The following DOCK2 variants were observed in gnomAD, a reference collection of about 807,000 sequenced individuals.
DOCK2 encodes dedicator of cytokinesis protein 2.
DOCK2 carries 87 observed loss-of-function variants against 248.9 expected under a neutral mutation model. That is an observed-to-expected ratio of 0.35 (90% confidence interval 0.29 to 0.42). DOCK2 has a LOEUF of 0.42. DOCK2 is among the 10% of genes least tolerant of loss of function. The probability of loss-of-function intolerance (pLI) is 1.00; values close to 1 mark genes in which losing one functional copy is unlikely to be tolerated. For missense variants in DOCK2, 1,747 were observed against 2,300.2 expected, an observed-to-expected ratio of 0.76 and a Z score of 4.92; for synonymous variants, 805 against 821.6, an observed-to-expected ratio of 0.98 and a Z score of 0.35.
At chr5:169,829,644 A>G (rs1194615725) in intron 26 of DOCK2, among the ~76,000 whole-genome samples, 2 of 152,376 alleles carry the variant, frequency 1.3e-5, no homozygotes, top group East Asian at 1.9e-4. Flanking sequence ...GTTAATTGAC[A>G]TTAAAGTATT....
chr5:169,785,563 A>G (rs1343845419), intron 25 of DOCK2, among the ~76,000 whole-genome samples: 1 of 152,324 alleles, frequency 6.6e-6, no homozygotes, highest in African/African-American at 2.4e-5. Context: ...GAATACCTGG[A>G]AAGAAAGATG....
intron 25 of DOCK2, among the ~76,000 whole-genome samples, chr5:169,781,607 C>T (rs981392502): frequency 5.3e-5 from 8 of 152,194 alleles, no homozygotes; most frequent in Non-Finnish European, 8.8e-5. Flanking sequence ...GTCAGCCTGA[C>T]ATGAAAGACA....
chr5:169,926,369 T>G (rs574389490), intron 27 of DOCK2, among the ~76,000 whole-genome samples: 163 of 152,318 alleles, frequency 1.1e-3, no homozygotes, highest in South Asian at 2.9e-3. Flanking sequence ...CTTCTTATCC[T>G]CTACCTTTTT....
intron 29 of DOCK2, among the ~76,000 whole-genome samples, chr5:169,990,028 G>A (rs73327875): frequency 0.031 from 4,670 of 151,566 alleles, 243 homozygotes; most frequent in African/African-American, 0.097. Context: ...GTGATTATTC[G>A]TTTTTGGGGT....
rs149727149 is a variant in DOCK2, at chr5:169,733,805, G to T, written c.2268-13591G>T. Among the ~76,000 whole-genome samples the T allele has an allele frequency of 2.8e-4, 42 of 152,084 alleles. No homozygotes were observed. In the East Asian group the frequency reaches 7.9e-3, roughly 29 times the overall value. On this transcript the variant is annotated intron_variant, in intron 22 of 51. Transcript: ENST00000520908. ...ATAGGCATTCTGGTTTTATCTCTCT[G>T]GTGGCTTGTAAGATCATCTCTTTCT...
At chr5:169,939,333 T>G (rs1372162803) in intron 27 of DOCK2, among the ~76,000 whole-genome samples, 1 of 152,150 alleles carries the variant, frequency 6.6e-6, no homozygotes, top group African/African-American at 2.4e-5. Flanking sequence ...CTGGTCTCAT[T>G]GAAGGTCTTC....
At chr5:169,950,884 T>G (rs1008410726) in intron 27 of DOCK2, among the ~76,000 whole-genome samples, 2 of 152,246 alleles carry the variant, frequency 1.3e-5, no homozygotes, top group African/African-American at 4.8e-5. Flanking sequence ...ACGGGGCAGA[T>G]GTGGCCTGTG....
intron 27 of DOCK2, among the ~76,000 whole-genome samples, chr5:169,961,716 G>A (rs528985460): frequency 1.3e-5 from 2 of 152,190 alleles, no homozygotes; most frequent in Non-Finnish European, 2.9e-5. Context: ...AGTGGCTCAC[G>A]CCCGTAATCC....
chr5:169,777,821 T>C (rs1329038432), intron 25 of DOCK2, among the ~76,000 whole-genome samples: 9 of 152,228 alleles, frequency 5.9e-5, no homozygotes, highest in Admixed American at 5.9e-4. Context: ...TAACTATTAC[T>C]AGTGCTACTA....
intron 32 of DOCK2, among the ~76,000 whole-genome samples, chr5:170,016,974 T>C (rs756302793): frequency 8.5e-5 from 13 of 152,208 alleles, no homozygotes; most frequent in Non-Finnish European, 1.5e-4. Flanking sequence ...ATGCATCATA[T>C]AATGAAGCTT....
intron 27 of DOCK2, chr5:169,875,743 TA>T (rs1245038978): frequency 6.5e-6 from 1 of 154,786 alleles, no homozygotes; most frequent in Non-Finnish European, 1.4e-5. Flanking sequence ...GATCAGTAAA[TA>T]ATGGATCCTC....
intron 27 of DOCK2, among the ~76,000 whole-genome samples, chr5:169,908,753 C>T (rs1307322602): frequency 2.2e-5 from 3 of 137,144 alleles, no homozygotes; most frequent in African/African-American, 5.5e-5. Context: ...CTCACTCTGT[C>T]GCCCAGGATA....
rs2113398053 is a variant in DOCK2, at chr5:169,689,327, C to T, written c.837C>T (p.Val279=). The change falls in exon 9 of 52, where the codon GTC becomes GTT. Residue 279 remains valine, a synonymous_variant. Transcript: ENST00000520908. ...EIEMLNNLKV[V]FTDLGNKDLN... ...AGATGCTCAACAATCTGAAGGTGGT[C>T]TTCACGGTGAGTGTGCACCCTCTTC... 3 of 1,613,864 alleles carry T rather than the reference C, an allele frequency of 1.9e-6. No homozygotes were observed. In the East Asian group the frequency reaches 6.7e-5, roughly 36 times the overall value.
At chr5:169,770,705 A>G (rs1295391119) in intron 25 of DOCK2, among the ~76,000 whole-genome samples, 2 of 151,930 alleles carry the variant, frequency 1.3e-5, no homozygotes, top group African/African-American at 4.8e-5. Context: ...CGAAAAGTGT[A>G]TTGAACTGTT....
chr5:169,836,029 T>C (rs1769562594), intron 26 of DOCK2, among the ~76,000 whole-genome samples: 1 of 152,242 alleles, frequency 6.6e-6, no homozygotes, highest in South Asian at 2.1e-4. Context: ...GTGCTGGGGT[T>C]ATAGGCATGA....
rs949927889 is a variant in DOCK2 at position 169,946,265 on chromosome 5, G to A, written c.2800-36803G>A. 2.6e-5 allele frequency among the ~76,000 whole-genome samples: 4 copies of A among 152,290 alleles called. No individual in the cohort carries two copies. In the South Asian group the frequency reaches 8.3e-4, roughly 32 times the overall value. On this transcript the variant is annotated intron_variant, in intron 27 of 51. Coordinates refer to ENST00000520908, the MANE Select transcript of DOCK2 (RefSeq NM_004946.3). ...CCACAGTGAAGAAAGCAGTGTTCCAGCCCCCCACATCCAGCCCAGCCAGGG... is the reference window on the plus strand; with the variant it reads ...CCACAGTGAAGAAAGCAGTGTTCCAACCCCCCACATCCAGCCCAGCCAGGG...
At chr5:169,990,311 C>G (rs1304885158) in intron 29 of DOCK2, among the ~76,000 whole-genome samples, 1 of 152,094 alleles carries the variant, frequency 6.6e-6, no homozygotes, top group Non-Finnish European at 1.5e-5. Flanking sequence ...ATTGGCCAGG[C>G]TAGTCTCGAA....
chr5:169,696,570 G>A (rs1760642470), intron 10 of DOCK2, among the ~76,000 whole-genome samples: 1 of 152,190 alleles, frequency 6.6e-6, no homozygotes. Context: ...TTTACATAAT[G>A]TATGTTTTTC....
intron 30 of DOCK2, among the ~76,000 whole-genome samples, chr5:169,999,724 A>G (rs1754768986): frequency 6.6e-6 from 1 of 152,192 alleles, no homozygotes; most frequent in South Asian, 2.1e-4. Context: ...CCCCCTGTGT[A>G]AGAATGGATT....
Sources: gnomAD v4.1 joint callset for allele counts (sites outside exome capture counted in the v4.1 genomes callset) on GRCh38, gnomAD v4.1.1 for gene constraint, MANE v1.5 for transcripts, NCBI Gene and HGNC (gene_info 2026-07-23, HGNC 2026-07-21) for gene names.